The following RBFOX1 variants were observed in gnomAD, a reference collection of about 807,000 sequenced individuals.
RBFOX1 encodes RNA binding protein fox-1 homolog 1.
A neutral mutation model predicts 57.7 loss-of-function variants in RBFOX1; 8 were observed. The observed-to-expected ratio is 0.14, with a 90% CI of 0.08 to 0.25. The LOEUF (loss-of-function observed/expected upper bound fraction) is 0.25. RBFOX1 is among the 10% of genes least tolerant of loss of function. The pLI, the probability that RBFOX1 is intolerant of heterozygous loss-of-function variation, is 1.00. For missense variants in RBFOX1, 611 were observed against 548.5 expected (o/e 1.11, Z -1.14); for synonymous variants, 326 against 222.4 (o/e 1.47, Z -4.15).
chr16:6,140,938 T>C lies in RBFOX1; in HGVS notation c.-127+120946T>C, dbSNP rs116570686. On this transcript the variant is annotated intron_variant, in intron 1 of 15. Transcript: ENST00000550418. ...GACCAAGGGACACTCCAGTGGTCAATGTGTAGTCTCAGCTCGTATTCTCCC... is the reference window on the plus strand; with the variant it reads ...GACCAAGGGACACTCCAGTGGTCAACGTGTAGTCTCAGCTCGTATTCTCCC... Among the ~76,000 whole-genome samples, 1,274 of 152,324 alleles carry C rather than the reference T, an allele frequency of 8.4e-3. 17 individuals are homozygous for C. The highest frequency in any genetic ancestry group is 0.028 in the African/African-American group (1,178 of 41,572).
chr16:7,698,783 A>G (rs929087891), intron 14 of RBFOX1, among the ~76,000 whole-genome samples: 1 of 152,172 alleles, frequency 6.6e-6, no homozygotes, highest in Non-Finnish European at 1.5e-5. Flanking sequence ...CATATAAGCA[A>G]AGGAACTTAG....
At chr16:6,205,022 T>C (rs1371543797) in intron 1 of RBFOX1, among the ~76,000 whole-genome samples, 2 of 152,150 alleles carry the variant, frequency 1.3e-5, no homozygotes, top group Non-Finnish European at 2.9e-5. Context: ...CATAAACCGA[T>C]TGACTGAGAC....
intron 2 of RBFOX1, among the ~76,000 whole-genome samples, chr16:5,564,158 C>T (rs146399311): frequency 1.3e-4 from 20 of 151,956 alleles, no homozygotes; most frequent in Admixed American, 2.6e-4. Flanking sequence ...GATTATGGTC[C>T]GCACCACCAT....
At chr16:7,105,209 G>A (rs1434858077) in intron 4 of RBFOX1, among the ~76,000 whole-genome samples, 11 of 151,704 alleles carry the variant, frequency 7.3e-5, no homozygotes, top group East Asian at 1.9e-4. Flanking sequence ...AGTAGTCTAT[G>A]GAGATTGGCC....
intron 4 of RBFOX1, among the ~76,000 whole-genome samples, chr16:7,415,215 G>A (rs965041045): frequency 1.3e-5 from 2 of 152,212 alleles, no homozygotes; most frequent in African/African-American, 2.4e-5. Flanking sequence ...CCCAGAGGCA[G>A]GAACTGAGTG....
chr16:5,249,958 A>AGGAGGTT (rs1258433794), intron 1 of RBFOX1, among the ~76,000 whole-genome samples: 1 of 151,674 alleles, frequency 6.6e-6, no homozygotes, highest in African/African-American at 2.4e-5. Flanking sequence ...TACAGTGAGG[A>AGGAGGTT]GCAGGTTGCA....
intron 4 of RBFOX1, among the ~76,000 whole-genome samples, chr16:7,356,541 G>A (rs960036851): frequency 4.6e-5 from 7 of 152,146 alleles, no homozygotes; most frequent in African/African-American, 1.7e-4. Context: ...GTGGGGGGCC[G>A]ATTGAGGCAG....
At chr16:6,819,705 C>CAAAAA (rs1181614275) in intron 3 of RBFOX1, among the ~76,000 whole-genome samples, 225 of 20,568 alleles carry the variant, frequency 0.011, 20 homozygotes, top group African/African-American at 0.024. Context: ...AACTCTGACT[C>CAAAAA]AAAAAAAAAA....
Position 7,504,763 on chromosome 16 carries a change from A to T in RBFOX1, c.28-13384A>T, listed in dbSNP as rs28608039. On this transcript the variant is annotated intron_variant, in intron 4 of 15. Coordinates refer to ENST00000550418, the MANE Select transcript of RBFOX1 (RefSeq NM_018723.4). Reference sequence around the variant, plus strand: ...TATATATATATATATATTTATATATATATATATTTATATATATATATATTT... The same window carrying T: ...TATATATATATATATATTTATATATTTATATATTTATATATATATATATTT... 1.8e-3 allele frequency among the ~76,000 whole-genome samples: 21 copies of T among 11,424 alleles called. 2 individuals carry two copies. Among genetic ancestry groups the T allele is most frequent in the African/African-American group, 2.4e-3 (13 of 5,446 alleles). The allele number at this position is 11,424 out of a possible 152,430, so 7.5% of individuals were successfully genotyped here. A position where few individuals can be genotyped will look rare whatever the true frequency, so the allele number is the denominator to read the frequency against.
intron 2 of RBFOX1, among the ~76,000 whole-genome samples, chr16:6,547,069 A>C (rs1325444608): frequency 2.0e-5 from 3 of 152,242 alleles, no homozygotes; most frequent in Non-Finnish European, 4.4e-5. Context: ...TGCCTGCTGA[A>C]GCAGAAATGT....
chr16:6,239,541 C>G (rs1186450104), intron 1 of RBFOX1, among the ~76,000 whole-genome samples: 1 of 124,968 alleles, frequency 8.0e-6, no homozygotes, highest in East Asian at 2.8e-4. Flanking sequence ...CTCTTTCACC[C>G]AGGCTGGAGT....
chr16:5,515,553 A>C (rs2151732192), intron 2 of RBFOX1, among the ~76,000 whole-genome samples: 1 of 152,370 alleles, frequency 6.6e-6, no homozygotes, highest in South Asian at 2.1e-4. Context: ...AGGCTGTTTT[A>C]ATTGAGATAT....
intron 4 of RBFOX1, among the ~76,000 whole-genome samples, chr16:7,140,266 CTTTTTTT>C (rs35683605): frequency 1.4e-4 from 7 of 48,792 alleles, no homozygotes; most frequent in African/African-American, 5.0e-4. Context: ...TTTTAAATGG[CTTTTTTT>C]TTTTTTTTTT....
chr16:5,596,524 G>A (rs1415143857), intron 2 of RBFOX1, among the ~76,000 whole-genome samples: 2 of 152,138 alleles, frequency 1.3e-5, no homozygotes, highest in Non-Finnish European at 2.9e-5. Context: ...AGACTAGATG[G>A]AATTGGGCAA....
At chr16:5,625,437 C>G (rs369834833) in intron 3 of RBFOX1, among the ~76,000 whole-genome samples, 1 of 151,970 alleles carries the variant, frequency 6.6e-6, no homozygotes, top group South Asian at 2.1e-4. Context: ...GGAGTCTGGT[C>G]GGGATTTGAA....
intron 2 of RBFOX1, among the ~76,000 whole-genome samples, chr16:6,642,716 A>G (rs2098502392): frequency 1.3e-5 from 2 of 152,102 alleles, no homozygotes; most frequent in African/African-American, 4.8e-5. Context: ...TTTGCATAAT[A>G]GTTTGGTTGG....
chr16:7,092,045 C>T (rs2060948725), intron 4 of RBFOX1, among the ~76,000 whole-genome samples: 2 of 152,176 alleles, frequency 1.3e-5, no homozygotes, highest in South Asian at 4.1e-4. Context: ...ATAAATAGCA[C>T]CACCTCTTCT....
intron 3 of RBFOX1, among the ~76,000 whole-genome samples, chr16:6,684,716 C>T (rs575912598): frequency 6.6e-6 from 1 of 152,182 alleles, no homozygotes; most frequent in Non-Finnish European, 1.5e-5. Flanking sequence ...TTAAATTGTG[C>T]ATGAGGGCCT....
At chr16:7,552,778 G>C (rs2086963329) in intron 5 of RBFOX1, among the ~76,000 whole-genome samples, 1 of 152,056 alleles carries the variant, frequency 6.6e-6, no homozygotes, top group African/African-American at 2.4e-5. Flanking sequence ...TGCCTCCCAG[G>C]CTCAAGAGAT....
Sources: gnomAD v4.1 joint callset for allele counts (sites outside exome capture counted in the v4.1 genomes callset) on GRCh38, gnomAD v4.1.1 for gene constraint, MANE v1.5 for transcripts, NCBI Gene and HGNC (gene_info 2026-07-23, HGNC 2026-07-21) for gene names.